The following PTPRD variants were observed in gnomAD, a reference collection of about 807,000 sequenced individuals.
PTPRD encodes the protein receptor-type tyrosine-protein phosphatase delta.
A neutral mutation model predicts 214.5 loss-of-function variants in PTPRD; 34 were observed. The observed-to-expected ratio is 0.16, with a 90% CI of 0.12 to 0.21. The LOEUF (loss-of-function observed/expected upper bound fraction) is 0.21. Among genes scored for constraint, PTPRD ranks in the 10% least tolerant of loss-of-function variants. The pLI is 1.00. For synonymous variants in PTPRD, 1,128 were observed against 845.7 expected, an observed-to-expected ratio of 1.33 and a Z score of -5.79; for missense variants, 2,545 against 2,398.7, an observed-to-expected ratio of 1.06 and a Z score of -1.27.
At chr9:9,941,799 G>C (rs1176459057) in intron 4 of PTPRD, among the ~76,000 whole-genome samples, 1 of 152,110 alleles carries the variant, frequency 6.6e-6, no homozygotes, top group Non-Finnish European at 1.5e-5. Context: ...TTTTCTCTGG[G>C]AAGCCTTGCT....
intron 10 of PTPRD, among the ~76,000 whole-genome samples, chr9:9,025,932 A>G (rs887752750): frequency 1.3e-5 from 2 of 152,066 alleles, no homozygotes; most frequent in South Asian, 2.1e-4. Flanking sequence ...TAGACACTAG[A>G]AATTATAGTC....
At chr9:9,313,518 G>A (rs1785429049) in intron 9 of PTPRD, among the ~76,000 whole-genome samples, 1 of 152,160 alleles carries the variant, frequency 6.6e-6, no homozygotes, top group Non-Finnish European at 1.5e-5. Flanking sequence ...ATCATCTAAT[G>A]ATGAAATCTA....
chr9:8,736,389 A>C (rs1248312460), intron 11 of PTPRD, among the ~76,000 whole-genome samples: 1 of 152,224 alleles, frequency 6.6e-6, no homozygotes, highest in Admixed American at 6.5e-5. Context: ...AATGACTATC[A>C]GTATTCATTT....
chr9:8,363,104 G>A (rs2078914917), intron 39 of PTPRD, among the ~76,000 whole-genome samples: 1 of 152,216 alleles, frequency 6.6e-6, no homozygotes, highest in South Asian at 2.1e-4. Flanking sequence ...GAGACCATTC[G>A]TGGTCTCTGT....
In PTPRD at chr9:8,726,022, GACAGACACAC is replaced by G. The variant is rs1317608693; in HGVS notation, c.64+7748_64+7757del. ...TTTCCACATAGCAGACAGACAGACA[GACAGACACAC>G]ACACACACACACACACACACACACA... On this transcript the variant is annotated intron_variant, in intron 12 of 45. Transcript: ENST00000381196. Among the ~76,000 whole-genome samples, 125 of 140,144 alleles carry G rather than the reference GACAGACACAC, an allele frequency of 8.9e-4. 1 individual carries two copies. Among genetic ancestry groups the G allele is most frequent in the African/African-American group, 3.3e-3 (119 of 35,808 alleles). The allele number at this position is 140,144 out of a possible 152,430, so 91.9% of individuals were successfully genotyped here. A position where few individuals can be genotyped will look rare whatever the true frequency, so the allele number is the denominator to read the frequency against.
chr9:8,969,703 G>C (rs974458739), intron 11 of PTPRD, among the ~76,000 whole-genome samples: 4 of 151,858 alleles, frequency 2.6e-5, no homozygotes, highest in Admixed American at 2.6e-4. Flanking sequence ...TAAATGGATG[G>C]ATCGATGGGT....
intron 5 of PTPRD, among the ~76,000 whole-genome samples, chr9:9,767,784 T>C (rs1361621548): frequency 2.0e-5 from 3 of 152,124 alleles, no homozygotes; most frequent in Non-Finnish European, 4.4e-5. Flanking sequence ...TATAAGCAAT[T>C]TTCTTCCATA....
At chr9:9,675,038 G>C (rs1292838588) in intron 7 of PTPRD, among the ~76,000 whole-genome samples, 1 of 151,858 alleles carries the variant, frequency 6.6e-6, no homozygotes, top group Admixed American at 6.6e-5. Flanking sequence ...CTCATGTCAA[G>C]ATCATATTCA....
chr9:8,996,020 G>T (rs1362544081), intron 11 of PTPRD, among the ~76,000 whole-genome samples: 1 of 151,958 alleles, frequency 6.6e-6, no homozygotes, highest in Non-Finnish European at 1.5e-5. Context: ...TTCAAAATAG[G>T]AATGCTATTT....
chr9:10,549,816 A>ATT (rs5896402), intron 2 of PTPRD, among the ~76,000 whole-genome samples: 1 of 151,752 alleles, frequency 6.6e-6, no homozygotes, highest in African/African-American at 2.4e-5. Context: ...TTTTAAAAAG[A>ATT]TTTTTTTTTA....
chr9:9,585,902 G>C (rs73641322), intron 7 of PTPRD, among the ~76,000 whole-genome samples: 7,315 of 152,050 alleles, frequency 0.048, 612 homozygotes, highest in African/African-American at 0.17. Flanking sequence ...AATTAACATG[G>C]AGAAACTGGA....
At chr9:9,737,357 G>C (rs758495187) in intron 6 of PTPRD, among the ~76,000 whole-genome samples, 5 of 152,018 alleles carry the variant, frequency 3.3e-5, no homozygotes, top group Non-Finnish European at 7.4e-5. Flanking sequence ...TTACTATATT[G>C]ATATAATTTA....
At chr9:9,070,572 T>C (rs2099742284) in intron 10 of PTPRD, among the ~76,000 whole-genome samples, 1 of 152,110 alleles carries the variant, frequency 6.6e-6, no homozygotes, top group Non-Finnish European at 1.5e-5. Flanking sequence ...TAAGGCTCTA[T>C]ACAGTTTTTC....
chr9:9,112,744 G>T (rs994770313), intron 10 of PTPRD, among the ~76,000 whole-genome samples: 3 of 152,150 alleles, frequency 2.0e-5, no homozygotes, highest in African/African-American at 7.2e-5. Flanking sequence ...TAACAAAATT[G>T]TGAGAGAAAT....
intron 33 of PTPRD, among the ~76,000 whole-genome samples, chr9:8,456,856 C>G (rs1488587268): frequency 1.3e-5 from 2 of 152,166 alleles, no homozygotes; most frequent in Non-Finnish European, 2.9e-5. Flanking sequence ...TCTACACTTT[C>G]TTTGATTCCA....
intron 7 of PTPRD, among the ~76,000 whole-genome samples, chr9:9,719,250 TTAA>T (rs955740696): frequency 6.6e-6 from 1 of 152,134 alleles, no homozygotes; most frequent in Non-Finnish European, 1.5e-5. Flanking sequence ...GTGCTGTCAC[TTAA>T]TAAAGCTCCT....
At chr9:10,238,816 A>G (rs2099637475) in intron 3 of PTPRD, among the ~76,000 whole-genome samples, 1 of 151,958 alleles carries the variant, frequency 6.6e-6, no homozygotes, top group Non-Finnish European at 1.5e-5. Context: ...TTAAGGTGAA[A>G]TGGAATTTTT....
At chr9:9,050,173 T>A (rs1008988339) in intron 10 of PTPRD, among the ~76,000 whole-genome samples, 1 of 152,228 alleles carries the variant, frequency 6.6e-6, no homozygotes, top group Non-Finnish European at 1.5e-5. Context: ...GACAGAGGCA[T>A]AAATGACAAA....
At chr9:10,362,391 C>T (rs868839982) in intron 2 of PTPRD, among the ~76,000 whole-genome samples, 2 of 150,436 alleles carry the variant, frequency 1.3e-5, no homozygotes, top group South Asian at 4.2e-4. Flanking sequence ...CTTTTAAACC[C>T]AGGCAGTCTG....
Sources: gnomAD v4.1 joint callset for allele counts (sites outside exome capture counted in the v4.1 genomes callset) on GRCh38, gnomAD v4.1.1 for gene constraint, MANE v1.5 for transcripts, NCBI Gene and HGNC (gene_info 2026-07-23, HGNC 2026-07-21) for gene names.